Variants in NEBL observed in about 807,000 individuals in gnomAD.
NEBL encodes nebulette.
Under a neutral mutation model 140.2 loss-of-function variants are expected in NEBL, and 122 were observed. The ratio of observed to expected loss-of-function variants is 0.87; its 90% confidence interval spans 0.75 to 1.01. The LOEUF (loss-of-function observed/expected upper bound fraction) is 1.01, where lower values mean the gene tolerates loss of function less well. NEBL is among the 50% of genes least tolerant of loss of function. NEBL has a pLI of 0.00. For missense variants in NEBL, 1,365 were observed against 1,231.3 expected (o/e 1.11, Z -1.62); for synonymous variants, 436 against 398.9 (o/e 1.09, Z -1.11).
chr10:21,051,446 G>A (rs932951301), intron 2 of NEBL, among the ~76,000 whole-genome samples: 8 of 152,134 alleles, frequency 5.3e-5, no homozygotes, highest in Non-Finnish European at 2.9e-5. Flanking sequence ...ACAACAGATA[G>A]TTATAGTTTA....
intron 1 of NEBL, among the ~76,000 whole-genome samples, chr10:21,277,208 C>CTTTTT (rs1260862410): frequency 6.7e-5 from 9 of 133,542 alleles, no homozygotes; most frequent in African/African-American, 1.7e-4. Context: ...ATATTTCTTT[C>CTTTTT]TTTTTTTTTT....
intron 12 of NEBL, among the ~76,000 whole-genome samples, chr10:20,844,235 C>CAATT (rs1419594230): frequency 6.6e-6 from 1 of 151,874 alleles, no homozygotes; most frequent in African/African-American, 2.4e-5. Context: ...CTCCTATAGG[C>CAATT]AATTAATCTC....
chr10:21,057,279 G>A (rs1406527639), intron 2 of NEBL, among the ~76,000 whole-genome samples: 2 of 151,960 alleles, frequency 1.3e-5, no homozygotes, highest in Non-Finnish European at 2.9e-5. Flanking sequence ...TTTGACTTTT[G>A]GCGGTAAGGC....
At chr10:20,865,469 TAC>T (rs1418383902) in intron 7 of NEBL, among the ~76,000 whole-genome samples, 4 of 152,144 alleles carry the variant, frequency 2.6e-5, no homozygotes, top group Admixed American at 6.6e-5. Context: ...TTAACCCAGG[TAC>T]AGCCCAGCTC....
intron 3 of NEBL, among the ~76,000 whole-genome samples, chr10:21,242,977 G>C (rs1295043613): frequency 3.3e-5 from 5 of 152,150 alleles, no homozygotes; most frequent in African/African-American, 1.2e-4. Flanking sequence ...TTGGGTGGCA[G>C]GGTTTTGGGT....
intron 4 of NEBL, among the ~76,000 whole-genome samples, chr10:20,908,174 C>G (rs1221698926): frequency 6.6e-6 from 1 of 152,130 alleles, no homozygotes; most frequent in African/African-American, 2.4e-5. Flanking sequence ...GATGAGGTCA[C>G]TAGGATTTAG....
intron 4 of NEBL, among the ~76,000 whole-genome samples, chr10:20,921,394 CT>C (rs1833570064): frequency 6.6e-6 from 1 of 152,220 alleles, no homozygotes; most frequent in Non-Finnish European, 1.5e-5. Flanking sequence ...TCCCATCCAA[CT>C]GAGTTTGGCC....
At chr10:21,282,170 G>C (rs912700071) in intron 1 of NEBL, among the ~76,000 whole-genome samples, 2 of 152,162 alleles carry the variant, frequency 1.3e-5, no homozygotes, top group Admixed American at 6.5e-5. Flanking sequence ...AATGGAAGAG[G>C]AATTCCAGTG....
intron 3 of NEBL, among the ~76,000 whole-genome samples, chr10:21,198,092 T>A (rs1476759971): frequency 1.3e-5 from 2 of 152,122 alleles, no homozygotes; most frequent in Admixed American, 6.5e-5. Flanking sequence ...AACCTGTTGG[T>A]CATGTAACGT....
chr10:21,185,828 G>A (rs1589320282), intron 3 of NEBL, among the ~76,000 whole-genome samples: 2 of 152,144 alleles, frequency 1.3e-5, no homozygotes, highest in African/African-American at 4.8e-5. Context: ...CAGACCCTGT[G>A]GCTCATGCAT....
In NEBL at chr10:20,896,918, T is replaced by A. The variant is rs1011074686; in HGVS notation, c.153+40A>T. The A allele has an allele frequency of 5.9e-6, 9 of 1,515,282 alleles. No homozygotes were observed. The South Asian group carries it at 9.0e-5, about 15-fold the overall frequency. 93.9% of individuals were successfully genotyped at this position (1,515,282 alleles called of 1,614,324 possible). ...CTCTATAACATAATAATACCACAGGTGCAATGCAAAATAAGACAAAAATTA... is the reference window on the plus strand; with the variant it reads ...CTCTATAACATAATAATACCACAGGAGCAATGCAAAATAAGACAAAAATTA... On this transcript the variant is annotated intron_variant, in intron 2 of 27. Coordinates refer to ENST00000377122, the MANE Select transcript of NEBL (RefSeq NM_006393.3).
chr10:21,286,247 G>T (rs186975769), intron 1 of NEBL, among the ~76,000 whole-genome samples: 3 of 152,270 alleles, frequency 2.0e-5, no homozygotes, highest in Admixed American at 6.5e-5. Flanking sequence ...TTCATCACTG[G>T]AGACAGAAAA....
At chr10:20,932,254 T>G (rs1347359949) in intron 4 of NEBL, among the ~76,000 whole-genome samples, 1 of 152,144 alleles carries the variant, frequency 6.6e-6, no homozygotes, top group Non-Finnish European at 1.5e-5. Flanking sequence ...AAAGAATGAG[T>G]TCATGTCCTT....
upstream of NEBL, among the ~76,000 whole-genome samples, chr10:21,179,170 T>C (rs559631634): frequency 3.3e-5 from 5 of 152,252 alleles, no homozygotes; most frequent in Admixed American, 1.3e-4. Context: ...TAAACCAAGC[T>C]TATAGCTCAT....
chr10:21,100,919 A>T (rs1035272736), intron 2 of NEBL, among the ~76,000 whole-genome samples: 1 of 152,202 alleles, frequency 6.6e-6, no homozygotes, highest in African/African-American at 2.4e-5. Flanking sequence ...CTCTTGTAAC[A>T]GTTTTTGTTT....
chr10:20,785,770 T>C lies in NEBL; in HGVS notation c.3022A>G (p.Asn1008Asp). 6.2e-7 allele frequency: 1 copy of C among 1,613,936 alleles called. No individual in the cohort carries two copies. Among genetic ancestry groups the C allele is most frequent in the Non-Finnish European group, 8.5e-7 (1 of 1,179,920 alleles). The change falls in exon 28 of 28, where the codon AAT becomes GAT. Residue 1008 changes from asparagine to aspartate, a missense_variant. This residue lies in a region of NEBL where 42 missense variants were observed against 76.5 expected (regional missense o/e 0.55). Transcript: ENST00000377122. ...RTGRTGMLPA[N>D]YIEFVN ...AATTAATTAACAAACTCAATGTAATTCGCTGGGAGCATTCCTGTTCTCCCT... is the reference window on the plus strand; with the variant it reads ...AATTAATTAACAAACTCAATGTAATCCGCTGGGAGCATTCCTGTTCTCCCT...
intron 3 of NEBL, among the ~76,000 whole-genome samples, chr10:21,004,069 G>T (rs535091089): frequency 6.6e-6 from 1 of 152,042 alleles, no homozygotes; most frequent in Admixed American, 6.5e-5. Flanking sequence ...TTTCTTATAC[G>T]CATACACATA....
At chr10:20,808,860 C>A (rs576940223) in intron 25 of NEBL, among the ~76,000 whole-genome samples, 1 of 152,116 alleles carries the variant, frequency 6.6e-6, no homozygotes, top group South Asian at 2.1e-4. Flanking sequence ...TCGTTTTATG[C>A]TCTTTTAAGT....
chr10:21,046,691 A>AC (rs1834529913), intron 2 of NEBL, among the ~76,000 whole-genome samples: 1 of 152,012 alleles, frequency 6.6e-6, no homozygotes. Context: ...AGCTCCGCCT[A>AC]CCGGGTTCAC....
Sources: gnomAD v4.1 joint callset for allele counts (sites outside exome capture counted in the v4.1 genomes callset) on GRCh38, gnomAD v4.1.1 for gene constraint, gnomAD v4.1.1 regional missense constraint, MANE v1.5 for transcripts, NCBI Gene and HGNC (gene_info 2026-07-23, HGNC 2026-07-21) for gene names.